Variants in TJP1 observed in about 807,000 individuals in gnomAD.
The protein encoded by TJP1 is tight junction protein 1.
Under a neutral mutation model 194.2 loss-of-function variants are expected in TJP1, and 43 were observed. The observed-to-expected ratio is 0.22, with a 90% CI of 0.17 to 0.29. The LOEUF is 0.29. TJP1 is among the 10% of genes least tolerant of loss of function. The pLI, the probability that TJP1 is intolerant of heterozygous loss-of-function variation, is 1.00. For synonymous variants in TJP1, 801 were observed against 779.0 expected (o/e 1.03, Z -0.47); for missense variants, 1,971 against 2,185.7 (o/e 0.90, Z 1.96).
rs563417845 is a variant in TJP1 at position 29,737,086 on chromosome 15, G to A, written c.1407+178C>T. Among the ~76,000 whole-genome samples the A allele has an allele frequency of 3.9e-5, 6 of 152,302 alleles. No homozygotes were observed. In the East Asian group the frequency reaches 1.2e-3, roughly 29 times the overall value. On this transcript the variant is annotated intron_variant, in intron 11 of 27. Coordinates refer to ENST00000614355, the MANE Select transcript of TJP1 (RefSeq NM_001330239.4). ...TAAACAAGAGCAAGATACAAGAATG[G>A]GAAGTGAGAAGTCCAGCATAAGGTA...
chr15:29,760,461 C>T lies in TJP1; in HGVS notation c.1010+678G>A, dbSNP rs991872961. Among the ~76,000 whole-genome samples the T allele has an allele frequency of 4.6e-5, 7 of 152,192 alleles. No individual in the cohort carries two copies. In the East Asian group the frequency reaches 7.7e-4, roughly 17 times the overall value. ...TGCGATCTCGGCTCACTGCAACCTCCGCTTCCCAGGTTCAAGCAATTCTCA... is the reference window on the plus strand; with the variant it reads ...TGCGATCTCGGCTCACTGCAACCTCTGCTTCCCAGGTTCAAGCAATTCTCA... On this transcript the variant is annotated intron_variant, in intron 8 of 27. Coordinates refer to ENST00000614355, the MANE Select transcript of TJP1 (RefSeq NM_001330239.4).
intron 2 of TJP1, among the ~76,000 whole-genome samples, chr15:29,909,921 T>A (rs2053962399): frequency 6.6e-6 from 1 of 152,206 alleles, no homozygotes; most frequent in Non-Finnish European, 1.5e-5. Flanking sequence ...ACTTAGCTTT[T>A]AATTTTAATT....
rs143870990 is a variant in TJP1, at chr15:29,794,405, G to C, written c.84+6241C>G. Among the ~76,000 whole-genome samples, 55 of 152,206 alleles carry C rather than the reference G, an allele frequency of 3.6e-4. 1 individual carries two copies. In the East Asian group the frequency reaches 0.01, roughly 28 times the overall value. ...GCCCTCTCATGGCAAAAAAATAACT[G>C]AGGCACAGAAAGAAGCCAGGTACAA... On this transcript the variant is annotated intron_variant, in intron 2 of 27. Transcript: ENST00000614355.
Position 29,720,416 on chromosome 15 carries a change from G to A in TJP1, c.2705C>T (p.Ala902Val), listed in dbSNP as rs754602712. The A allele has an allele frequency of 1.5e-5, 24 of 1,613,296 alleles. No individual in the cohort carries two copies. The highest frequency in any genetic ancestry group is 8.3e-5 in the Admixed American group (5 of 59,928). ...TATTCTATGAATTGGTTGTGGCTGC[G>A]CTTGTGGTGAGTAAGGAGGATATGT... The part of the protein sequence containing the change: ...NQTYPPYSPQ[A>V]QPQPIHRIDS... Residue 902 changes from alanine (A) to valine (V), a missense_variant, in exon 19 of 28, where the codon GCG (alanine) becomes GTG (valine). This residue lies in a region of TJP1 where 1,108 missense variants were observed against 1,128.5 expected (regional missense o/e 0.98). Transcript: ENST00000614355.
At chr15:29,764,781 T>G (rs1341984713) in intron 5 of TJP1, among the ~76,000 whole-genome samples, 1 of 152,212 alleles carries the variant, frequency 6.6e-6, no homozygotes, top group African/African-American at 2.4e-5. Context: ...TGAGATGTGC[T>G]GTGTTTCAGG....
intron 2 of TJP1, among the ~76,000 whole-genome samples, chr15:29,868,782 A>C (rs2052393619): frequency 6.6e-6 from 1 of 152,204 alleles, no homozygotes; most frequent in African/African-American, 2.4e-5. Flanking sequence ...ACTGCTAACA[A>C]AGTTTGCAAA....
At chr15:29,860,205 C>A (rs1308668681) in intron 2 of TJP1, among the ~76,000 whole-genome samples, 1 of 152,182 alleles carries the variant, frequency 6.6e-6, no homozygotes, top group African/African-American at 2.4e-5. Context: ...AACTCTGACT[C>A]AGGAGTAAGC....
chr15:29,890,781 A>ACTACAT (rs1421941948), intron 2 of TJP1, among the ~76,000 whole-genome samples: 20 of 150,544 alleles, frequency 1.3e-4, no homozygotes, highest in South Asian at 2.2e-4. Context: ...ATCTTATTTC[A>ACTACAT]CTACATCTAC....
chr15:29,820,426 C>A, intron 1 of TJP1: 1 of 676,628 alleles, frequency 1.5e-6, no homozygotes, highest in East Asian at 2.7e-5. Context: ...CAAATGTTTA[C>A]AATGCAAAAA....
At chr15:29,952,455 G>C (rs902014493) in intron 2 of TJP1, among the ~76,000 whole-genome samples, 2 of 152,034 alleles carry the variant, frequency 1.3e-5, no homozygotes, top group African/African-American at 2.4e-5. Context: ...TTCTCCCCAG[G>C]AGTGAAATGG....
intron 2 of TJP1, among the ~76,000 whole-genome samples, chr15:29,870,525 A>G (rs2052475315): frequency 6.6e-6 from 1 of 152,248 alleles, no homozygotes; most frequent in African/African-American, 2.4e-5. Context: ...TTGTTAAATA[A>G]CAATGTTCCT....
chr15:29,865,789 G>C (rs1596137944), intron 2 of TJP1, among the ~76,000 whole-genome samples: 2 of 152,138 alleles, frequency 1.3e-5, no homozygotes, highest in African/African-American at 4.8e-5. Flanking sequence ...GGAGAAAAAA[G>C]TCACATAAAG....
intron 24 of TJP1, among the ~76,000 whole-genome samples, chr15:29,709,481 G>T (rs2042109043): frequency 6.6e-6 from 1 of 152,184 alleles, no homozygotes; most frequent in Non-Finnish European, 1.5e-5. Flanking sequence ...GATTTTTTAT[G>T]CACTGCCAGC....
intron 2 of TJP1, among the ~76,000 whole-genome samples, chr15:29,940,567 T>C (rs2055036868): frequency 6.6e-6 from 1 of 152,190 alleles, no homozygotes; most frequent in Non-Finnish European, 1.5e-5. Context: ...ATACTTGAAA[T>C]TACGTGTGTG....
chr15:29,784,432 T>G (rs968179144), intron 2 of TJP1, among the ~76,000 whole-genome samples: 1 of 152,148 alleles, frequency 6.6e-6, no homozygotes, highest in African/African-American at 2.4e-5. Flanking sequence ...CCCAAGTAGC[T>G]GGGATTACAG....
intron 2 of TJP1, among the ~76,000 whole-genome samples, chr15:29,880,476 G>A (rs1608167): frequency 0.062 from 9,348 of 151,956 alleles, 343 homozygotes; most frequent in South Asian, 0.11. Flanking sequence ...CCCTCTTAAC[G>A]GATTTTCAAG....
At chr15:29,817,753 A>G (rs2050029460) in intron 1 of TJP1, among the ~76,000 whole-genome samples, 1 of 152,118 alleles carries the variant, frequency 6.6e-6, no homozygotes, top group Non-Finnish European at 1.5e-5. Context: ...CAAACACCAC[A>G]TGTTCTCACT....
At chr15:29,850,770 C>A (rs1308516404) in intron 2 of TJP1, among the ~76,000 whole-genome samples, 1 of 151,964 alleles carries the variant, frequency 6.6e-6, no homozygotes, top group Non-Finnish European at 1.5e-5. Context: ...TTGTTTGAGC[C>A]CAGGAGGTAG....
chr15:29,885,567 A>C (rs2053088121), intron 2 of TJP1, among the ~76,000 whole-genome samples: 1 of 152,252 alleles, frequency 6.6e-6, no homozygotes, highest in African/African-American at 2.4e-5. Context: ...GCTAAGCTTT[A>C]AAAAACAAAG....
Sources: gnomAD v4.1 joint callset for allele counts (sites outside exome capture counted in the v4.1 genomes callset) on GRCh38, gnomAD v4.1.1 for gene constraint, gnomAD v4.1.1 regional missense constraint, MANE v1.5 for transcripts, NCBI Gene and HGNC (gene_info 2026-07-23, HGNC 2026-07-21) for gene names.